N4BP1: variants seen among roughly 807,000 people sequenced by gnomAD.
N4BP1 encodes the protein NEDD4-binding protein 1.
N4BP1 carries 21 observed loss-of-function variants against 70.9 expected under a neutral mutation model. The observed-to-expected ratio is 0.30, with a 90% CI of 0.21 to 0.43. The LOEUF (loss-of-function observed/expected upper bound fraction) is 0.43, where lower values mean the gene tolerates loss of function less well. Ranked by LOEUF, N4BP1 falls within the 20% of genes least tolerant of loss-of-function variation. The pLI is 1.00. For synonymous variants in N4BP1, 387 were observed against 394.6 expected, an observed-to-expected ratio of 0.98 and a Z score of 0.23; for missense variants, 936 against 1,069.4, an observed-to-expected ratio of 0.88 and a Z score of 1.74.
At chr16:48,581,328 G>GA (rs1316755017) in intron 1 of N4BP1, among the ~76,000 whole-genome samples, 2 of 151,454 alleles carry the variant, frequency 1.3e-5, no homozygotes, top group Non-Finnish European at 2.9e-5. Context: ...ACTCAGTGAA[G>GA]AAAAATTTAA....
At chr16:48,582,764 C>T (rs950035015) in intron 1 of N4BP1, among the ~76,000 whole-genome samples, 5 of 152,152 alleles carry the variant, frequency 3.3e-5, no homozygotes, top group South Asian at 4.1e-4. Context: ...GGTCTTGGAA[C>T]GTATCCCCAG....
At chr16:48,595,856 G>C (rs1964404821) in intron 1 of N4BP1, among the ~76,000 whole-genome samples, 1 of 152,144 alleles carries the variant, frequency 6.6e-6, no homozygotes, top group African/African-American at 2.4e-5. Context: ...GTCACTTTCT[G>C]ACAGGCCCAG....
At chr16:48,588,194 A>G (rs1267356463) in intron 1 of N4BP1, among the ~76,000 whole-genome samples, 2 of 152,084 alleles carry the variant, frequency 1.3e-5, no homozygotes, top group Non-Finnish European at 2.9e-5. Context: ...TAATCTCCAG[A>G]TGTTATATAG....
chr16:48,592,072 G>GT (rs1964347799), intron 1 of N4BP1, among the ~76,000 whole-genome samples: 1 of 152,076 alleles, frequency 6.6e-6, no homozygotes, highest in African/African-American at 2.4e-5. Context: ...CACCTGGAAG[G>GT]TAAGGAGGAA....
At chr16:48,604,247 C>A (rs560472074) in intron 1 of N4BP1, among the ~76,000 whole-genome samples, 1 of 152,310 alleles carries the variant, frequency 6.6e-6, no homozygotes, top group South Asian at 2.1e-4. Context: ...CAAATGCCCT[C>A]TTCAAGTATT....
intron 1 of N4BP1, among the ~76,000 whole-genome samples, chr16:48,569,490 C>T (rs1963986469): frequency 6.6e-6 from 1 of 152,170 alleles, no homozygotes; most frequent in Non-Finnish European, 1.5e-5. Flanking sequence ...CCTACTGGTT[C>T]AAGTGATCCA....
intron 3 of N4BP1, 70 bp from the exon 4 acceptor site, chr16:48,551,552 G>A: frequency 1.8e-6 from 2 of 1,097,238 alleles, no homozygotes; most frequent in South Asian, 3.1e-5. Context: ...AGAAATGAAA[G>A]TACACTCAAA....
chr16:48,557,565 T>A (rs1197038550), intron 2 of N4BP1, among the ~76,000 whole-genome samples: 2 of 152,130 alleles, frequency 1.3e-5, no homozygotes, highest in African/African-American at 4.8e-5. Flanking sequence ...ATTTGTTGCA[T>A]TAAATATATG....
intron 5 of N4BP1, among the ~76,000 whole-genome samples, 190 bp downstream of exon 5, chr16:48,547,817 G>A (rs1242543376): frequency 6.6e-6 from 1 of 152,142 alleles, no homozygotes; most frequent in Non-Finnish European, 1.5e-5. Flanking sequence ...CTCTGTGCTG[G>A]GCCCCCGCTT....
intron 1 of N4BP1, among the ~76,000 whole-genome samples, chr16:48,593,939 T>C (rs150239257): frequency 1.3e-4 from 18 of 140,956 alleles, no homozygotes; most frequent in South Asian, 2.3e-4. Context: ...TAGGCGGAGG[T>C]TGCAGTGAGC....
At chr16:48,555,931 C>CT (rs1244907355) in intron 2 of N4BP1, among the ~76,000 whole-genome samples, 1 of 152,212 alleles carries the variant, frequency 6.6e-6, no homozygotes, top group Non-Finnish European at 1.5e-5. Context: ...GCTACCTACT[C>CT]TCCCTCTTTT....
chr16:48,567,530 G>T (rs1366448612), intron 1 of N4BP1, among the ~76,000 whole-genome samples: 3 of 151,994 alleles, frequency 2.0e-5, no homozygotes, highest in East Asian at 1.9e-4. Context: ...TGTTTGCCAG[G>T]CTGGTCTCGA....
At chr16:48,592,048 A>C (rs929509159) in intron 1 of N4BP1, among the ~76,000 whole-genome samples, 14 of 152,182 alleles carry the variant, frequency 9.2e-5, no homozygotes, top group African/African-American at 3.1e-4. Context: ...TAATCAAAGA[A>C]GCATGCTCTT....
intron 1 of N4BP1, among the ~76,000 whole-genome samples, chr16:48,592,845 G>A (rs1317431850): frequency 6.6e-6 from 1 of 152,082 alleles, no homozygotes; most frequent in Non-Finnish European, 1.5e-5. Flanking sequence ...TACATTCTAG[G>A]TAAGGTCTGG....
chr16:48,597,409 G>T (rs905248130), intron 1 of N4BP1, among the ~76,000 whole-genome samples: 2 of 152,190 alleles, frequency 1.3e-5, no homozygotes, highest in Non-Finnish European at 2.9e-5. Flanking sequence ...GCTGAACTTA[G>T]ACCTACTTCC....
At chr16:48,576,568 C>T (rs772848242) in intron 1 of N4BP1, among the ~76,000 whole-genome samples, 7 of 152,178 alleles carry the variant, frequency 4.6e-5, no homozygotes, top group Non-Finnish European at 7.4e-5. Flanking sequence ...TCCAAAGAAC[C>T]TCTTCAAGTT....
At chr16:48,568,224 T>C (rs1963969368) in intron 1 of N4BP1, among the ~76,000 whole-genome samples, 2 of 152,208 alleles carry the variant, frequency 1.3e-5, no homozygotes, top group South Asian at 4.1e-4. Context: ...TCACTGGCAC[T>C]GACCCGTGTT....
intron 2 of N4BP1, among the ~76,000 whole-genome samples, chr16:48,556,739 GGCA>G (rs1220658142): frequency 6.6e-6 from 1 of 152,166 alleles, no homozygotes; most frequent in African/African-American, 2.4e-5. Flanking sequence ...CACCAGACAG[GGCA>G]GTGTGGGGAC....
At chr16:48,559,928 T>C (rs1202836811) in intron 2 of N4BP1, among the ~76,000 whole-genome samples, 2 of 152,202 alleles carry the variant, frequency 1.3e-5, no homozygotes, top group African/African-American at 4.8e-5. Flanking sequence ...CTTTACATAG[T>C]TGTTGAAATG....
Sources: gnomAD v4.1 joint callset for allele counts (sites outside exome capture counted in the v4.1 genomes callset) on GRCh38, gnomAD v4.1.1 for gene constraint, MANE v1.5 for transcripts, NCBI Gene and HGNC (gene_info 2026-07-23, HGNC 2026-07-21) for gene names.